Variants in ABAT observed in about 807,000 individuals in gnomAD.
ABAT encodes the protein 4-aminobutyrate aminotransferase, mitochondrial.
A neutral mutation model predicts 64.6 loss-of-function variants in ABAT; 45 were observed. The ratio of observed to expected loss-of-function variants is 0.70; its 90% CI spans 0.55 to 0.89. The LOEUF is 0.89. Ranked by LOEUF, ABAT falls within the 40% of genes least tolerant of loss-of-function variation. ABAT has a pLI of 0.00. For synonymous variants in ABAT, 297 were observed against 250.5 expected, an observed-to-expected ratio of 1.19 and a Z score of -1.75; for missense variants, 633 against 658.4, an observed-to-expected ratio of 0.96 and a Z score of 0.42.
In ABAT at chr16:8,697,067, C is replaced by T. The variant is rs139169447; in HGVS notation, c.-42+22356C>T. Among the ~76,000 whole-genome samples the T allele has an allele frequency of 5.7e-3, 872 of 152,162 alleles. 9 individuals are homozygous for T. Among genetic ancestry groups the T allele is most frequent in the African/African-American group, 0.02 (828 of 41,512 alleles). On this transcript the variant is annotated intron_variant, in intron 1 of 15. Coordinates refer to ENST00000268251, the MANE Select transcript of ABAT (RefSeq NM_020686.6). ...GAATCATGAACGAATGAGAAAGAGA[C>T]AGATAAGGGTGACAAAAATAAAATG... is the stretch of plus-strand genomic sequence containing the variant.
At chr16:8,713,969 T>A (rs1443498149) in intron 1 of ABAT, 1 of 454,276 alleles carries the variant, frequency 2.2e-6, no homozygotes, top group African/African-American at 2.0e-5. Context: ...CTGTTATCTG[T>A]GGTGTTGGGG....
At chr16:8,733,311 G>A (rs1318273621) in intron 1 of ABAT, among the ~76,000 whole-genome samples, 1 of 151,446 alleles carries the variant, frequency 6.6e-6, no homozygotes, top group Non-Finnish European at 1.5e-5. Context: ...TCCTAGGTGG[G>A]ATGGCGGCCG....
chr16:8,734,324 C>G (rs1028395628), intron 1 of ABAT, among the ~76,000 whole-genome samples: 1 of 152,196 alleles, frequency 6.6e-6, no homozygotes, highest in Non-Finnish European at 1.5e-5. Flanking sequence ...TCCAGGCCTG[C>G]CTCATTCATC....
chr16:8,763,214 C>A (rs1053857066), intron 6 of ABAT, among the ~76,000 whole-genome samples: 3 of 151,786 alleles, frequency 2.0e-5, no homozygotes, highest in Admixed American at 1.3e-4. Context: ...AGAGTGGCAT[C>A]TAAAGTCAGT....
chr16:8,759,591 C>A (rs768794258), intron 6 of ABAT, among the ~76,000 whole-genome samples: 2 of 152,212 alleles, frequency 1.3e-5, no homozygotes, highest in East Asian at 1.9e-4. Context: ...TGGCTCACTG[C>A]AGCCTCGACC....
At chr16:8,746,430 G>T (rs1335578103) in intron 3 of ABAT, among the ~76,000 whole-genome samples, 1 of 152,058 alleles carries the variant, frequency 6.6e-6, no homozygotes, top group Non-Finnish European at 1.5e-5. Context: ...GCGGTTGCCT[G>T]TAGTCCCAGC....
intron 9 of ABAT, among the ~76,000 whole-genome samples, chr16:8,766,587 G>C (rs1030777979): frequency 6.6e-6 from 1 of 150,748 alleles, no homozygotes; most frequent in African/African-American, 2.4e-5. Flanking sequence ...CCCAGGAGGT[G>C]GAGGTTGCAG....
intron 1 of ABAT, among the ~76,000 whole-genome samples, chr16:8,721,495 G>T (rs374676716): frequency 4.6e-5 from 7 of 152,168 alleles, no homozygotes; most frequent in African/African-American, 1.7e-4. Flanking sequence ...TCTGGTGAGC[G>T]AGCGTCAGGT....
intron 1 of ABAT, among the ~76,000 whole-genome samples, chr16:8,690,145 G>T (rs1228749283): frequency 6.6e-6 from 1 of 152,190 alleles, no homozygotes; most frequent in Non-Finnish European, 1.5e-5. Context: ...TTTGCTAGCA[G>T]TGGAAGCAAC....
At chr16:8,726,557 G>A (rs8056066) in intron 1 of ABAT, among the ~76,000 whole-genome samples, 147,325 of 152,290 alleles carry the variant, frequency 0.97, 71,339 homozygotes, top group East Asian at 1. Context: ...ACTCCATTGC[G>A]TGTATGAACC....
chr16:8,681,037 A>G (rs2141908884), intron 1 of ABAT, among the ~76,000 whole-genome samples: 1 of 149,856 alleles, frequency 6.7e-6, no homozygotes, highest in East Asian at 2.0e-4. Flanking sequence ...GCTGGAGTGC[A>G]GTGGCATGAT....
At chr16:8,747,879 T>G (rs2059377158) in intron 3 of ABAT, among the ~76,000 whole-genome samples, 1 of 152,198 alleles carries the variant, frequency 6.6e-6, no homozygotes, top group African/African-American at 2.4e-5. Flanking sequence ...ATCTTTCAGG[T>G]GGCTGAATTT....
chr16:8,733,580 G>A (rs1024821274), intron 1 of ABAT, among the ~76,000 whole-genome samples: 3 of 152,038 alleles, frequency 2.0e-5, no homozygotes, highest in African/African-American at 4.8e-5. Context: ...CTGTAATCCC[G>A]GCACCTCGGG....
intron 1 of ABAT, among the ~76,000 whole-genome samples, chr16:8,700,972 C>G (rs1385731446): frequency 7.1e-6 from 1 of 141,044 alleles, no homozygotes; most frequent in Admixed American, 7.8e-5. Flanking sequence ...GTCACTCTGT[C>G]TGTCACTCAG....
chr16:8,732,850 G>A (rs1463238902), intron 1 of ABAT, among the ~76,000 whole-genome samples: 1 of 150,958 alleles, frequency 6.6e-6, no homozygotes, highest in Non-Finnish European at 1.5e-5. Flanking sequence ...CGGGCAGAGG[G>A]GCTCCTCACT....
chr16:8,681,950 A>G (rs2057343398), intron 1 of ABAT, among the ~76,000 whole-genome samples: 1 of 152,004 alleles, frequency 6.6e-6, no homozygotes, highest in African/African-American at 2.4e-5. Context: ...CCACCTCTAT[A>G]CTACTGACGT....
At chr16:8,705,069 AT>A (rs200208383) in intron 1 of ABAT, among the ~76,000 whole-genome samples, 13 of 149,592 alleles carry the variant, frequency 8.7e-5, no homozygotes, top group Non-Finnish European at 1.3e-4. Flanking sequence ...TAGAGTTGGG[AT>A]TTTTTTTTTG....
At chr16:8,762,111 A>G (rs907199103) in intron 6 of ABAT, among the ~76,000 whole-genome samples, 5 of 151,432 alleles carry the variant, frequency 3.3e-5, no homozygotes, top group Admixed American at 3.3e-4. Context: ...AGATCCTCCC[A>G]CCTCAGCCTC....
chr16:8,728,700 C>T (rs1453263623), intron 1 of ABAT, among the ~76,000 whole-genome samples: 1 of 152,022 alleles, frequency 6.6e-6, no homozygotes, highest in Non-Finnish European at 1.5e-5. Context: ...ATGGTAAAAC[C>T]TCATTTCTAC....
Sources: allele counts gnomAD v4.1 joint callset (sites outside exome capture counted in the v4.1 genomes callset), GRCh38; gene constraint gnomAD v4.1.1; transcripts MANE v1.5; gene names NCBI Gene and HGNC (gene_info 2026-07-23, HGNC 2026-07-21).